Variants in TAGLN2 observed in about 807,000 individuals in gnomAD.
TAGLN2 encodes the protein transgelin 2, also known as transgelin-2.
A neutral mutation model predicts 24.9 loss-of-function variants in TAGLN2; 14 were observed. The observed-to-expected ratio is 0.56, with a 90% CI of 0.37 to 0.88. The LOEUF (loss-of-function observed/expected upper bound fraction) is 0.88. Ranked by LOEUF, TAGLN2 falls within the 40% of genes least tolerant of loss-of-function variation. TAGLN2 has a pLI of 0.00. For missense variants in TAGLN2, 208 were observed against 258.9 expected (o/e 0.80, Z 1.35); for synonymous variants, 77 against 98.2 (o/e 0.78, Z 1.28).
intron 1 of TAGLN2, among the ~76,000 whole-genome samples, chr1:159,922,924 C>T (rs986223521): frequency 1.0e-3 from 155 of 152,382 alleles, no homozygotes; most frequent in African/African-American, 3.5e-3. Context: ...GGCAGGGTCA[C>T]GGCCTCCAGC....
intron 1 of TAGLN2, among the ~76,000 whole-genome samples, chr1:159,921,281 A>G (rs1650523779): frequency 6.6e-6 from 1 of 152,202 alleles, no homozygotes; most frequent in Admixed American, 6.5e-5. Context: ...AAATGGGGAG[A>G]TTATCCTGCA....
At position 159,919,839 on chromosome 1, in the gene TAGLN2, G is replaced by C; in HGVS notation, c.181-4C>G. 6.2e-7 allele frequency: 1 copy of C among 1,613,272 alleles called. No homozygotes were observed. Among genetic ancestry groups the C allele is most frequent in the Non-Finnish European group, 8.5e-7 (1 of 1,179,316 alleles). On this transcript the variant is annotated splice_region_variant and splice_polypyrimidine_tract_variant and intron_variant, in intron 2 of 4. Transcript: ENST00000368097. ...CATTAATGAGCTCACATAGCACCTGGATGAGGACAGCAGGGGTGGAAAGGT... is the reference window on the plus strand; with the variant it reads ...CATTAATGAGCTCACATAGCACCTGCATGAGGACAGCAGGGGTGGAAAGGT...
intron 1 of TAGLN2, chr1:159,923,695 CGTAG>C: frequency 1.4e-5 from 6 of 429,718 alleles, no homozygotes; most frequent in Non-Finnish European, 2.5e-5. Context: ...AGGGAACCAC[CGTAG>C]GGCAGCCCCT....
intron 1 of TAGLN2, chr1:159,925,183 G>T (rs565282551): frequency 6.6e-6 from 1 of 152,258 alleles, no homozygotes; most frequent in African/African-American, 2.4e-5. Flanking sequence ...GGAGCCCGCG[G>T]GTGGGGCTCA....
In TAGLN2 at chr1:159,918,510, T is replaced by C. The variant is rs1204739138; in HGVS notation, c.*290A>G. On this transcript the variant is annotated 3_prime_UTR_variant, in exon 5 of 5. Coordinates refer to ENST00000368097, the MANE Select transcript of TAGLN2 (RefSeq NM_003564.3). ...CCAGGGGGAAGAAGGAGAGACAGAA[T>C]AGGCCAGGGCATGGCGGTGAGGGAC... is the stretch of plus-strand genomic sequence containing the variant. 4 of 361,104 alleles carry C rather than the reference T, an allele frequency of 1.1e-5. No homozygotes were observed. The highest frequency in any genetic ancestry group is 4.2e-5 in the African/African-American group (2 of 47,838). The allele number at this position is 361,104 out of a possible 1,614,324, so 22.4% of individuals were successfully genotyped here. A position where few individuals can be genotyped will look rare whatever the true frequency, so the allele number is the denominator to read the frequency against.
At chr1:159,923,553 A>G in intron 1 of TAGLN2, 1 of 1,432,230 alleles carries the variant, frequency 7.0e-7, no homozygotes. Flanking sequence ...CACCGTGCAG[A>G]TGGAACACAG....
chr1:159,920,794 G>C (rs769941088), intron 1 of TAGLN2, among the ~76,000 whole-genome samples: 1 of 152,160 alleles, frequency 6.6e-6, no homozygotes, highest in South Asian at 2.1e-4. Flanking sequence ...GGTTTTCTTT[G>C]CTTTTTTTTT....
chr1:159,918,503 G>C lies in TAGLN2; in HGVS notation c.*297C>G, dbSNP rs1405744171. ...GAACAGGCCAGGGGGAAGAAGGAGAGACAGAATAGGCCAGGGCATGGCGGT... is the reference window on the plus strand; with the variant it reads ...GAACAGGCCAGGGGGAAGAAGGAGACACAGAATAGGCCAGGGCATGGCGGT... On this transcript the variant is annotated 3_prime_UTR_variant, in exon 5 of 5. Coordinates refer to ENST00000368097, the MANE Select transcript of TAGLN2 (RefSeq NM_003564.3). The C allele has an allele frequency of 3.0e-6, 1 of 338,230 alleles. No individual in the cohort carries two copies. The highest frequency in any genetic ancestry group is 2.1e-5 in the African/African-American group (1 of 47,198). 21.0% of individuals were successfully genotyped at this position (338,230 alleles called of 1,614,324 possible).
rs745700866 is a variant in TAGLN2, at chr1:159,920,262, A to C, written c.180+68T>G. On this transcript the variant is annotated intron_variant, in intron 2 of 4. Transcript: ENST00000368097. ...CAGTCTTCTCCTCTTCAGGTTAAAC[A>C]ATCCCCAGTCCACTGGACCCAGTCC... The C allele has an allele frequency of 3.7e-6, 6 of 1,612,640 alleles. No individual in the cohort carries two copies. The South Asian group carries it at 6.6e-5, about 18-fold the overall frequency.
rs530892463 is a variant in TAGLN2 at position 159,919,947 on chromosome 1, T to TGAA, written c.181-115_181-113dup. 6.0e-4 allele frequency: 736 copies of TGAA among 1,225,914 alleles called. 4 individuals are homozygous for TGAA. The African/African-American group carries it at 0.01, about 17-fold the overall frequency. The allele number at this position is 1,225,914 out of a possible 1,614,324, so 75.9% of individuals were successfully genotyped here. ...GAACCAGAGAGGCTCCTGTCTTGCC[T>TGAA]GAAGACAGCTTGGACTCTTTCACTA... On this transcript the variant is annotated intron_variant, in intron 2 of 4. Coordinates refer to ENST00000368097, the MANE Select transcript of TAGLN2 (RefSeq NM_003564.3).
At position 159,919,352 on chromosome 1, in the gene TAGLN2, C is replaced by G. The variant is rs527922343; in HGVS notation, c.380G>C (p.Arg127Pro). ...WEGKNMACVQ[R>P]TLMNLGGLAV... ...CAGCCCACCCAGATTCATCAGCGTC[C>G]GCTGCACACAGGCCATGTTCTTTCC... Residue 127 changes from arginine (R) to proline (P), a missense_variant, in exon 4 of 5, where the codon CGG becomes CCG. Coordinates refer to ENST00000368097, the MANE Select transcript of TAGLN2 (RefSeq NM_003564.3). The G allele has an allele frequency of 2.5e-6, 4 of 1,614,214 alleles. No homozygotes were observed. The East Asian group carries it at 6.7e-5, about 27-fold the overall frequency.
At chr1:159,923,743 G>C (rs1650612237) in intron 1 of TAGLN2, 1 of 392,088 alleles carries the variant, frequency 2.6e-6, no homozygotes, top group Non-Finnish European at 4.6e-6. Flanking sequence ...AGAGAAAGCT[G>C]AGGCTACACA....
At chr1:159,923,594 G>C in intron 1 of TAGLN2, 1 of 1,074,772 alleles carries the variant, frequency 9.3e-7, no homozygotes, top group East Asian at 2.9e-5. Flanking sequence ...TTGGGACAGG[G>C]AGTGTTCTCA....
intron 1 of TAGLN2, among the ~76,000 whole-genome samples, chr1:159,921,270 G>A (rs189497400): frequency 2.6e-5 from 4 of 152,306 alleles, no homozygotes; most frequent in Admixed American, 1.3e-4. Context: ...TTAAGATCTC[G>A]AAATGGGGAG....
intron 1 of TAGLN2, among the ~76,000 whole-genome samples, chr1:159,923,254 C>A (rs541868274): frequency 6.6e-6 from 1 of 152,196 alleles, no homozygotes. Flanking sequence ...AGCTGGGGAC[C>A]CCAAAGGAAG....
At chr1:159,923,693 A>AAATGAT in intron 1 of TAGLN2, 3 of 446,778 alleles carry the variant, frequency 6.7e-6, no homozygotes, top group Non-Finnish European at 1.2e-5. Flanking sequence ...TAAGGGAACC[A>AAATGAT]CCGTAGGGCA....
In TAGLN2 at chr1:159,918,766, T is replaced by C. The variant is rs1427078383; in HGVS notation, c.*34A>G. 1 of 1,607,356 alleles carries C rather than the reference T, an allele frequency of 6.2e-7. No individual in the cohort carries two copies. Among genetic ancestry groups the C allele is most frequent in the South Asian group, 1.1e-5 (1 of 90,486 alleles). On this transcript the variant is annotated 3_prime_UTR_variant, in exon 5 of 5. Coordinates refer to ENST00000368097, the MANE Select transcript of TAGLN2 (RefSeq NM_003564.3). ...ATATATCTACATATATATTAACCAT[T>C]CGTGGGAGGGCAGGGGCAAGGCCTG...
chr1:159,922,416 C>T (rs553143835), intron 1 of TAGLN2, among the ~76,000 whole-genome samples: 30 of 152,296 alleles, frequency 2.0e-4, no homozygotes, highest in African/African-American at 7.0e-4. Context: ...CGACCCACAG[C>T]GCCAGGCACA....
chr1:159,924,655 TC>T (rs1309473237), intron 1 of TAGLN2: 1 of 146,822 alleles, frequency 6.8e-6, no homozygotes, highest in Non-Finnish European at 1.5e-5. Flanking sequence ...CCCACCGCCC[TC>T]CCGCCGCTGG....
Sources: allele counts gnomAD v4.1 joint callset (sites outside exome capture counted in the v4.1 genomes callset), GRCh38; gene constraint gnomAD v4.1.1; transcripts MANE v1.5; gene names NCBI Gene and HGNC (gene_info 2026-07-23, HGNC 2026-07-21).